The following FLI1 variants were observed in gnomAD, a reference collection of about 807,000 sequenced individuals.
FLI1 encodes the protein Friend leukemia integration 1 transcription factor.
FLI1 carries 13 observed loss-of-function variants against 53.1 expected under a neutral mutation model. That is an observed-to-expected ratio of 0.24 (90% CI 0.16 to 0.39). The LOEUF (loss-of-function observed/expected upper bound fraction) is 0.39. Ranked by LOEUF, FLI1 falls within the 10% of genes least tolerant of loss-of-function variation. The pLI, the probability that FLI1 is intolerant of heterozygous loss-of-function variation, is 1.00. For missense variants in FLI1, 424 were observed against 600.5 expected (o/e 0.71, Z 3.07); for synonymous variants, 244 against 236.7 (o/e 1.03, Z -0.28).
At chr11:128,780,001 A>G (rs141315021) in intron 4 of FLI1, among the ~76,000 whole-genome samples, 2 of 152,244 alleles carry the variant, frequency 1.3e-5, no homozygotes, top group Non-Finnish European at 2.9e-5. Context: ...TAAAAGATAC[A>G]GTAAAAATAC....
At chr11:128,754,191 G>GA in intron 1 of FLI1, among the ~76,000 whole-genome samples, 1 of 151,232 alleles carries the variant, frequency 6.6e-6, no homozygotes, top group East Asian at 1.9e-4. Context: ...CATTGTAATG[G>GA]AAAAAAAGCT....
At chr11:128,711,332 C>T (rs1938776520) in intron 1 of FLI1, among the ~76,000 whole-genome samples, 1 of 152,130 alleles carries the variant, frequency 6.6e-6, no homozygotes, top group Non-Finnish European at 1.5e-5. Context: ...ATGTGTTGTC[C>T]ACATGGAGAC....
intron 1 of FLI1, among the ~76,000 whole-genome samples, chr11:128,737,387 T>A (rs1464645293): frequency 6.6e-6 from 1 of 152,186 alleles, no homozygotes; most frequent in African/African-American, 2.4e-5. Context: ...GCGTCTCCCA[T>A]CACAGCCCCC....
At chr11:128,789,503 T>C (rs1439622425) in intron 5 of FLI1, among the ~76,000 whole-genome samples, 1 of 152,208 alleles carries the variant, frequency 6.6e-6, no homozygotes, top group Non-Finnish European at 1.5e-5. Context: ...TAGACTTTCC[T>C]CTCTACTTGT....
intron 1 of FLI1, among the ~76,000 whole-genome samples, chr11:128,739,110 C>T (rs577693027): frequency 4.3e-4 from 65 of 152,272 alleles, no homozygotes; most frequent in Non-Finnish European, 8.2e-4. Context: ...CAAACTCACT[C>T]TCTGGAGGCT....
At chr11:128,703,231 G>A (rs1938413784) in intron 1 of FLI1, among the ~76,000 whole-genome samples, 1 of 152,176 alleles carries the variant, frequency 6.6e-6, no homozygotes, top group Non-Finnish European at 1.5e-5. Flanking sequence ...TATCCTCTTG[G>A]TAGGAGTATG....
rs150636890 is a variant in FLI1 at position 128,700,565 on chromosome 11, C to A, written c.18+6289C>A. ...CTGAATTGAACTAGACTACAGAGGA[C>A]CTTACATACTATAACAAAGAATTTG... On this transcript the variant is annotated intron_variant, in intron 1 of 8. Coordinates refer to ENST00000527786, the MANE Select transcript of FLI1 (RefSeq NM_002017.5). 3.3e-5 allele frequency among the ~76,000 whole-genome samples: 5 copies of A among 152,236 alleles called. No homozygotes were observed. The East Asian group carries it at 9.6e-4, about 29-fold the overall frequency.
At chr11:128,700,770 G>A (rs549962522) in intron 1 of FLI1, among the ~76,000 whole-genome samples, 1 of 152,226 alleles carries the variant, frequency 6.6e-6, no homozygotes, top group African/African-American at 2.4e-5. Context: ...GCTGCTCAGG[G>A]AGCTGAGGTG....
chr11:128,808,345 G>C (rs1229205456), intron 7 of FLI1, among the ~76,000 whole-genome samples: 1 of 152,092 alleles, frequency 6.6e-6, no homozygotes, highest in Non-Finnish European at 1.5e-5. Context: ...TGACAATTTT[G>C]CCAAGTCGAG....
At chr11:128,746,285 A>G (rs181635201) in intron 1 of FLI1, among the ~76,000 whole-genome samples, 1 of 152,300 alleles carries the variant, frequency 6.6e-6, no homozygotes, top group East Asian at 1.9e-4. Context: ...CAGGGTGCCT[A>G]ACTAGAATTT....
At chr11:128,733,435 T>C (rs1939781099) in intron 1 of FLI1, among the ~76,000 whole-genome samples, 1 of 152,186 alleles carries the variant, frequency 6.6e-6, no homozygotes, top group Non-Finnish European at 1.5e-5. Context: ...TCTCAGTAGC[T>C]CTACACACTC....
At chr11:128,727,120 A>T (rs618441) in intron 1 of FLI1, among the ~76,000 whole-genome samples, 124,906 of 152,184 alleles carry the variant, frequency 0.82, 51,762 homozygotes, top group East Asian at 0.96. Flanking sequence ...CCGTAGTTGA[A>T]AGAATGTAGA....
intron 1 of FLI1, among the ~76,000 whole-genome samples, chr11:128,720,813 A>T (rs1387641357): frequency 1.3e-5 from 2 of 152,126 alleles, no homozygotes; most frequent in African/African-American, 4.8e-5. Flanking sequence ...TGCCCCTCAC[A>T]GCAACAGGGT....
chr11:128,753,441 G>A (rs770944389), intron 1 of FLI1, among the ~76,000 whole-genome samples: 3 of 152,166 alleles, frequency 2.0e-5, no homozygotes, highest in Non-Finnish European at 2.9e-5. Flanking sequence ...CATGAGAAAC[G>A]GAAGGAATGT....
intron 2 of FLI1, chr11:128,764,577 T>G: frequency 7.3e-7 from 1 of 1,363,110 alleles, no homozygotes; most frequent in Non-Finnish European, 1.0e-6. Flanking sequence ...TTAGCAGCAG[T>G]GCAGGCAAGC....
chr11:128,802,059 A>G (rs936337023), intron 5 of FLI1, among the ~76,000 whole-genome samples: 5 of 152,170 alleles, frequency 3.3e-5, no homozygotes, highest in Non-Finnish European at 7.3e-5. Context: ...CTGTGACACA[A>G]ATCGTATTCT....
At chr11:128,799,828 G>T (rs1006328636) in intron 5 of FLI1, among the ~76,000 whole-genome samples, 5 of 152,224 alleles carry the variant, frequency 3.3e-5, no homozygotes, top group Admixed American at 2.6e-4. Flanking sequence ...GAGGAGAGCA[G>T]CTTCTGCAGG....
At chr11:128,690,736 G>C (rs989184718), upstream of FLI1, among the ~76,000 whole-genome samples, 1 of 152,208 alleles carries the variant, frequency 6.6e-6, no homozygotes, top group Non-Finnish European at 1.5e-5. Context: ...GGAAACATGT[G>C]GTGGGCTGTT....
chr11:128,736,044 C>G (rs1409602045), intron 1 of FLI1, among the ~76,000 whole-genome samples: 2 of 152,168 alleles, frequency 1.3e-5, no homozygotes, highest in Non-Finnish European at 2.9e-5. Context: ...ATTCCTTAGA[C>G]ATGATCGATG....
Sources: gnomAD v4.1 joint callset for allele counts (sites outside exome capture counted in the v4.1 genomes callset) on GRCh38, gnomAD v4.1.1 for gene constraint, MANE v1.5 for transcripts, NCBI Gene and HGNC (gene_info 2026-07-23, HGNC 2026-07-21) for gene names.